ANKRD11: variants seen among roughly 807,000 people sequenced by gnomAD.
ANKRD11 encodes ankyrin repeat domain 11.
A neutral mutation model predicts 195.7 loss-of-function variants in ANKRD11; 17 were observed. The observed-to-expected ratio is 0.09, with a 90% CI of 0.06 to 0.13. The LOEUF is 0.13. Ranked by LOEUF, ANKRD11 falls within the 10% of genes least tolerant of loss-of-function variation. ANKRD11 has a pLI of 1.00. For missense variants in ANKRD11, 3,735 were observed against 3,566.1 expected (o/e 1.05, Z -1.21); for synonymous variants, 1,953 against 1,528.1 (o/e 1.28, Z -6.49).
intron 2 of ANKRD11, among the ~76,000 whole-genome samples, chr16:89,340,583 A>G (rs1260989224): frequency 6.6e-6 from 1 of 152,220 alleles, no homozygotes; most frequent in Non-Finnish European, 1.5e-5. Context: ...TCCTGTTGTA[A>G]ATCTTTTATC....
At chr16:89,489,637 C>A (rs527734008) in intron 1 of ANKRD11, among the ~76,000 whole-genome samples, 25 of 152,096 alleles carry the variant, frequency 1.6e-4, no homozygotes, top group African/African-American at 6.0e-4. Context: ...TCTCGCGGGT[C>A]AGAGGTCGGC....
intron 2 of ANKRD11, chr16:89,324,490 G>A (rs1200539010): frequency 1.5e-5 from 7 of 456,392 alleles, no homozygotes; most frequent in Admixed American, 4.7e-5. Context: ...ATGTGTAACT[G>A]TTCCTGGGAG....
At chr16:89,488,522 G>A (rs749615666) in intron 1 of ANKRD11, among the ~76,000 whole-genome samples, 10 of 150,020 alleles carry the variant, frequency 6.7e-5, no homozygotes, top group African/African-American at 1.2e-4. Flanking sequence ...AACAGAACTC[G>A]AAGTCTTCCA....
At position 89,281,829 on chromosome 16, in the gene ANKRD11, C is replaced by T; in HGVS notation, c.4713G>A (p.Lys1571=). Reference sequence around the variant, plus strand: ...TCATCAGGTCGCCGTCCCCCAGGAGCTTCTCCCTGGGCCTGGCGTCTTTCT... The same window carrying T: ...TCATCAGGTCGCCGTCCCCCAGGAGTTTCTCCCTGGGCCTGGCGTCTTTCT... ...PGKKDARPRE[K]LLGDGDLMMT... Residue 1571 remains lysine (K), a synonymous_variant, in exon 9 of 13, where the codon AAG becomes AAA. Coordinates refer to ENST00000301030, the MANE Select transcript of ANKRD11 (RefSeq NM_013275.6). The surrounding 1 kb of genome is among the most constrained non-coding windows in gnomAD (Gnocchi z 5.5). 1.2e-6 allele frequency: 2 copies of T among 1,614,062 alleles called. No homozygotes were observed. Among genetic ancestry groups the T allele is most frequent in the Middle Eastern group, 1.6e-4 (1 of 6,062 alleles).
At chr16:89,488,080 C>T (rs1291702702) in intron 1 of ANKRD11, among the ~76,000 whole-genome samples, 1 of 152,052 alleles carries the variant, frequency 6.6e-6, no homozygotes, top group Non-Finnish European at 1.5e-5. Context: ...TTAAAGGTGA[C>T]ACCTTTAAAA....
At chr16:89,397,189 C>T (rs1336456873) in intron 2 of ANKRD11, among the ~76,000 whole-genome samples, 4 of 152,160 alleles carry the variant, frequency 2.6e-5, no homozygotes, top group African/African-American at 7.2e-5. Flanking sequence ...CCACGTCCAA[C>T]GGCGTCTCAC....
chr16:89,447,388 C>T (rs1315940964), intron 1 of ANKRD11, among the ~76,000 whole-genome samples: 1 of 152,148 alleles, frequency 6.6e-6, no homozygotes. Context: ...GCCTGAGGTG[C>T]CAAAGAAACA....
chr16:89,344,726 C>T (rs1202719909), intron 2 of ANKRD11, among the ~76,000 whole-genome samples: 1 of 151,908 alleles, frequency 6.6e-6, no homozygotes, highest in East Asian at 1.9e-4. Context: ...CTCCCAAGCA[C>T]GAGGGCACGG....
intron 1 of ANKRD11, among the ~76,000 whole-genome samples, chr16:89,465,395 T>G (rs1195837953): frequency 1.3e-5 from 2 of 152,200 alleles, no homozygotes; most frequent in African/African-American, 4.8e-5. Context: ...TGAATTAGAC[T>G]GGCGTTGGAC....
chr16:89,368,360 C>A (rs866793385), intron 2 of ANKRD11, among the ~76,000 whole-genome samples: 1 of 135,446 alleles, frequency 7.4e-6, no homozygotes, highest in African/African-American at 2.7e-5. Flanking sequence ...CCGTGCCTGG[C>A]TAATTTTTGT....
chr16:89,286,993 C>T lies in ANKRD11; in HGVS notation c.745-807G>A, dbSNP rs747652412. On this transcript the variant is annotated intron_variant, in intron 7 of 12. Coordinates refer to ENST00000301030, the MANE Select transcript of ANKRD11 (RefSeq NM_013275.6). Reference sequence around the variant, plus strand: ...GACATGTTCTATTGTTGAATCAGTACAGAGTTCTTATGTGTGTGAGTTTTC... The same window carrying T: ...GACATGTTCTATTGTTGAATCAGTATAGAGTTCTTATGTGTGTGAGTTTTC... 7 of 1,289,638 alleles carry T rather than the reference C, an allele frequency of 5.4e-6. No individual in the cohort carries two copies. In the South Asian group the frequency reaches 8.6e-5, roughly 16 times the overall value. The allele number at this position is 1,289,638 out of a possible 1,614,324, so 79.9% of individuals were successfully genotyped here. A position where few individuals can be genotyped will look rare whatever the true frequency, so the allele number is the denominator to read the frequency against.
intron 3 of ANKRD11, among the ~76,000 whole-genome samples, chr16:89,309,593 C>T (rs961562897): frequency 6.6e-6 from 1 of 152,240 alleles, no homozygotes. Flanking sequence ...CTGTGTGACA[C>T]GAGGCTTGCC....
intron 1 of ANKRD11, among the ~76,000 whole-genome samples, chr16:89,468,809 C>T (rs1023100883): frequency 1.3e-5 from 2 of 152,288 alleles, no homozygotes; most frequent in African/African-American, 4.8e-5. Flanking sequence ...GATGTTGAAA[C>T]GTACAGGGCT....
chr16:89,399,338 A>G (rs1194499484), intron 2 of ANKRD11, among the ~76,000 whole-genome samples: 2 of 152,178 alleles, frequency 1.3e-5, no homozygotes, highest in African/African-American at 4.8e-5. Context: ...AGACAACAGA[A>G]TATTACCAGG....
chr16:89,428,713 G>C (rs1336116009), intron 1 of ANKRD11, among the ~76,000 whole-genome samples: 1 of 151,636 alleles, frequency 6.6e-6, no homozygotes, highest in East Asian at 2.0e-4. Flanking sequence ...GGCCAACATA[G>C]TGAAACCCCG....
intron 1 of ANKRD11, among the ~76,000 whole-genome samples, chr16:89,472,755 G>A (rs1022957824): frequency 6.6e-6 from 1 of 152,138 alleles, no homozygotes; most frequent in African/African-American, 2.4e-5. Flanking sequence ...ATCACTTAGT[G>A]GAAAGGAAGT....
At chr16:89,485,620 G>A (rs566937720) in intron 1 of ANKRD11, among the ~76,000 whole-genome samples, 1 of 152,102 alleles carries the variant, frequency 6.6e-6, no homozygotes, top group East Asian at 1.9e-4. Context: ...AAAACAAGTC[G>A]CAATCTCCCA....
rs183827384 is a variant in ANKRD11, at chr16:89,367,222, A to T, written c.-59-50144T>A. Among the ~76,000 whole-genome samples the T allele has an allele frequency of 1.6e-3, 237 of 151,974 alleles. 3 individuals are homozygous for T. Among genetic ancestry groups the T allele is most frequent in the African/African-American group, 5.5e-3 (227 of 41,438 alleles). On this transcript the variant is annotated intron_variant, in intron 2 of 12. Transcript: ENST00000301030. The stretch of plus-strand genomic sequence containing the variant: ...GTTTCCCATCGAAACACAACAGTCC[A>T]CTCCACGTGGGAGTTCAGCGTTCTC...
chr16:89,311,651 T>C (rs1410686923), intron 3 of ANKRD11, among the ~76,000 whole-genome samples: 1 of 152,224 alleles, frequency 6.6e-6, no homozygotes, highest in Non-Finnish European at 1.5e-5. Context: ...AAAACTTCTG[T>C]GACCTTCGTT....
Sources: allele counts gnomAD v4.1 joint callset (sites outside exome capture counted in the v4.1 genomes callset), GRCh38; gene constraint gnomAD v4.1.1; non-coding constraint Gnocchi (gnomAD v3.1); transcripts MANE v1.5; gene names NCBI Gene and HGNC (gene_info 2026-07-23, HGNC 2026-07-21).